Variants in CALD1 observed in about 807,000 individuals in gnomAD.
CALD1 encodes caldesmon 1.
Under a neutral mutation model 99.9 loss-of-function variants are expected in CALD1, and 33 were observed. That is an observed-to-expected ratio of 0.33 (90% CI 0.25 to 0.44). The LOEUF is 0.44. Ranked by LOEUF, CALD1 falls within the 20% of genes least tolerant of loss-of-function variation. The pLI is 1.00. For synonymous variants in CALD1, 310 were observed against 325.0 expected (o/e 0.95, Z 0.50); for missense variants, 861 against 962.1 (o/e 0.89, Z 1.39).
chr7:134,766,758 G>A (rs901110335), intron 1 of CALD1, among the ~76,000 whole-genome samples: 1 of 152,122 alleles, frequency 6.6e-6, no homozygotes, highest in African/African-American at 2.4e-5. Flanking sequence ...GAGATAGGAC[G>A]ATAGGCTAGA....
intron 1 of CALD1, among the ~76,000 whole-genome samples, chr7:134,797,593 T>C (rs1483318904): frequency 6.6e-6 from 1 of 152,092 alleles, no homozygotes; most frequent in Non-Finnish European, 1.5e-5. Flanking sequence ...GTGGGTTAAA[T>C]TGTTTATTTT....
chr7:134,890,521 G>T (rs983241805), intron 3 of CALD1, among the ~76,000 whole-genome samples: 1 of 151,906 alleles, frequency 6.6e-6, no homozygotes, highest in Non-Finnish European at 1.5e-5. Flanking sequence ...TGTGGAGATC[G>T]GATTTGTTCT....
the CALD1 span, among the ~76,000 whole-genome samples, chr7:134,729,324 A>G: frequency 1.3e-5 from 2 of 152,216 alleles, no homozygotes; most frequent in Non-Finnish European, 2.9e-5. Flanking sequence ...AGGGACAGAG[A>G]AGTCAAATGA....
At chr7:134,814,251 G>A (rs1487853344) in intron 1 of CALD1, among the ~76,000 whole-genome samples, 1 of 152,172 alleles carries the variant, frequency 6.6e-6, no homozygotes, top group Admixed American at 6.5e-5. Flanking sequence ...AGAGCATGAA[G>A]TTGCAGGGAA....
intron 3 of CALD1, among the ~76,000 whole-genome samples, chr7:134,927,294 A>C (rs1331705964): frequency 3.9e-5 from 6 of 152,150 alleles, no homozygotes. Context: ...AATTTCCTCA[A>C]ATAGACATTC....
At chr7:134,946,235 A>G (rs1179532636) in intron 7 of CALD1, among the ~76,000 whole-genome samples, 1 of 152,198 alleles carries the variant, frequency 6.6e-6, no homozygotes, top group Admixed American at 6.5e-5. Context: ...ATAATACATA[A>G]GCCCATGCAA....
chr7:134,873,565 C>T (rs1374512290), intron 3 of CALD1, among the ~76,000 whole-genome samples: 2 of 152,188 alleles, frequency 1.3e-5, no homozygotes, highest in Admixed American at 6.5e-5. Flanking sequence ...CCGCCGGCCC[C>T]AGAATTAGCT....
chr7:134,921,694 C>G (rs552400426), intron 3 of CALD1, among the ~76,000 whole-genome samples: 1 of 152,284 alleles, frequency 6.6e-6, no homozygotes, highest in Admixed American at 6.5e-5. Flanking sequence ...AGCCTGTAAT[C>G]CCAGCTACTC....
chr7:134,951,605 CT>C (rs1292470324), intron 9 of CALD1, among the ~76,000 whole-genome samples: 2 of 152,162 alleles, frequency 1.3e-5, no homozygotes, highest in Non-Finnish European at 2.9e-5. Context: ...GGAAAGGGTC[CT>C]TTTCCAGGAT....
chr7:134,754,995 CT>C (rs34184651), intron 1 of CALD1, among the ~76,000 whole-genome samples: 156 of 148,260 alleles, frequency 1.1e-3, no homozygotes, highest in African/African-American at 3.7e-3. Context: ...ATATATTTTA[CT>C]TTTTTTTTAT....
intron 8 of CALD1, among the ~76,000 whole-genome samples, chr7:134,948,989 C>T (rs1374615596): frequency 6.6e-6 from 1 of 152,038 alleles, no homozygotes; most frequent in Non-Finnish European, 1.5e-5. Flanking sequence ...CTGTCACTAA[C>T]AAGCTGGGGC....
intron 1 of CALD1, among the ~76,000 whole-genome samples, chr7:134,786,706 TTAGTGGTAAGA>T (rs1163262887): frequency 6.6e-6 from 1 of 152,176 alleles, no homozygotes; most frequent in Non-Finnish European, 1.5e-5. Context: ...ATCCAGTTAA[TTAGTGGTAAGA>T]TAGTTCCAAA....
chr7:134,725,689 T>G, the CALD1 span, among the ~76,000 whole-genome samples: 1 of 152,350 alleles, frequency 6.6e-6, no homozygotes, highest in South Asian at 2.1e-4. Flanking sequence ...CCTATAAATG[T>G]CACCTTATTT....
At position 134,968,345 on chromosome 7, in the gene CALD1, A is replaced by T; in HGVS notation, c.2382A>T (p.Ter794CysextTer20). The change falls in exon 15 of 15, where the codon TGA becomes TGT. Residue 794 changes from the stop codon to cysteine (C), a stop_lost. Transcript: ENST00000361675. The part of the protein sequence containing the change: ...VDKVTSPTKV[*>C] ...AAGTTCTCTTCTCTTGGCAGGTTTG[A>T]GACAGTTCCAGAAAGAACCCAAGCT... 1 of 1,613,802 alleles carries T rather than the reference A, an allele frequency of 6.2e-7. No individual in the cohort carries two copies. Among genetic ancestry groups the T allele is most frequent in the Non-Finnish European group, 8.5e-7 (1 of 1,179,738 alleles).
the CALD1 span, among the ~76,000 whole-genome samples, chr7:134,714,782 T>C: frequency 0.18 from 27,521 of 152,180 alleles, 2,526 homozygotes; most frequent in South Asian, 0.24. Flanking sequence ...CCAGGTTTTG[T>C]GGTGGAAAGG....
chr7:134,891,878 T>G (rs1010719228), intron 3 of CALD1, among the ~76,000 whole-genome samples: 3 of 152,120 alleles, frequency 2.0e-5, no homozygotes, highest in African/African-American at 7.2e-5. Flanking sequence ...ATGGTTGCTC[T>G]GATTCGCTGG....
At chr7:134,751,678 A>G (rs1796686903) in intron 1 of CALD1, among the ~76,000 whole-genome samples, 1 of 152,000 alleles carries the variant, frequency 6.6e-6, no homozygotes, top group Non-Finnish European at 1.5e-5. Flanking sequence ...AAATGATCAT[A>G]TAAGCTTATC....
At chr7:134,778,931 T>G (rs1796994857), upstream of CALD1, among the ~76,000 whole-genome samples, 1 of 152,206 alleles carries the variant, frequency 6.6e-6, no homozygotes, top group Non-Finnish European at 1.5e-5. Flanking sequence ...CTGGCCAGTA[T>G]TACCTGCTAA....
chr7:134,959,935 T>G (rs1323728914), intron 11 of CALD1, 39 bp from the exon 12 acceptor site: 15 of 1,593,470 alleles, frequency 9.4e-6, no homozygotes, highest in Non-Finnish European at 1.3e-5. Context: ...GAGAACAAAC[T>G]TCCCAGCACC....
Sources: gnomAD v4.1 joint callset for allele counts (sites outside exome capture counted in the v4.1 genomes callset) on GRCh38, gnomAD v4.1.1 for gene constraint, MANE v1.5 for transcripts, NCBI Gene and HGNC (gene_info 2026-07-23, HGNC 2026-07-21) for gene names.